Variants in SSB observed in about 807,000 individuals in gnomAD.
SSB encodes the protein small RNA binding exonuclease protection factor La.
In SSB, 17 loss-of-function variants were observed where a neutral mutation model predicts 52.9. The ratio of observed to expected loss-of-function variants is 0.32; its 90% confidence interval spans 0.22 to 0.48. SSB has a LOEUF of 0.48. Ranked by LOEUF, SSB falls within the 20% of genes least tolerant of loss-of-function variation. The pLI is 0.99. For missense variants in SSB, 314 were observed against 463.6 expected, an observed-to-expected ratio of 0.68 and a Z score of 2.96; for synonymous variants, 111 against 152.1, an observed-to-expected ratio of 0.73 and a Z score of 1.99.
At chr2:169,810,769 G>C in intron 9 of SSB, 89 bp from the exon 10 acceptor site, 1 of 1,280,890 alleles carries the variant, frequency 7.8e-7, no homozygotes, top group Non-Finnish European at 1.1e-6. Flanking sequence ...TGGAAGGTTT[G>C]CAGGGTAGAA....
rs770202370 is a variant in SSB at position 169,801,078 on chromosome 2, CAGAA to C, written c.66+57_66+60del. ...AAAACAAGTTCCTTGAAAGAAAATA[CAGAA>C]AGAACATTTAATTCTAGTACATGGA... On this transcript the variant is annotated intron_variant, in intron 2 of 11. Coordinates refer to ENST00000260956, the MANE Select transcript of SSB (RefSeq NM_003142.5). The C allele has an allele frequency of 6.4e-6, 9 of 1,415,462 alleles. No homozygotes were observed. In the African/African-American group the frequency reaches 1.2e-4, roughly 19 times the overall value. 87.7% of individuals were successfully genotyped at this position (1,415,462 alleles called of 1,614,324 possible).
chr2:169,804,562 T>C (rs1043005272), intron 2 of SSB, among the ~76,000 whole-genome samples: 1 of 151,420 alleles, frequency 6.6e-6, no homozygotes, highest in African/African-American at 2.4e-5. Flanking sequence ...CACCCCCTTT[T>C]TTGAGATGGA....
intron 6 of SSB, among the ~76,000 whole-genome samples, chr2:169,807,417 T>G (rs1294224763): frequency 1.3e-5 from 2 of 152,078 alleles, no homozygotes; most frequent in African/African-American, 2.4e-5. Flanking sequence ...GCCTCCTGAG[T>G]AGCTGGGACT....
intron 6 of SSB, among the ~76,000 whole-genome samples, chr2:169,808,237 AC>A (rs375233601): frequency 1.6e-4 from 24 of 152,322 alleles, no homozygotes; most frequent in African/African-American, 5.3e-4. Context: ...ATACTAAAAA[AC>A]ATTCAAGGTA....
chr2:169,807,701 A>G (rs946345067), intron 6 of SSB, among the ~76,000 whole-genome samples: 1 of 141,318 alleles, frequency 7.1e-6, no homozygotes, highest in African/African-American at 2.6e-5. Context: ...AAATATATCA[A>G]TGCAGTTTTC....
intron 10 of SSB, 25 bp from the exon 11 acceptor site, chr2:169,811,158 A>C (rs1474340790): frequency 6.3e-7 from 1 of 1,598,704 alleles, no homozygotes. Flanking sequence ...AGTTCTTTAC[A>C]GAGTGCTCAA....
intron 6 of SSB, among the ~76,000 whole-genome samples, 170 bp downstream of exon 6, chr2:169,807,241 A>G (rs1031735449): frequency 1.3e-5 from 2 of 152,170 alleles, no homozygotes; most frequent in Non-Finnish European, 2.9e-5. Flanking sequence ...TTTTGAGACT[A>G]TAAGAAAAGT....
chr2:169,807,036 G>A lies in SSB; in HGVS notation c.519G>A (p.Gln173=), dbSNP rs144350886. The A allele has an allele frequency of 3.2e-5, 51 of 1,613,958 alleles. No individual in the cohort carries two copies. In the African/African-American group the frequency reaches 6.4e-4, roughly 20 times the overall value. ...SAKKFVETPG[Q]KYKETDLLIL... ...AGAAATTTGTAGAGACCCCTGGCCAGAAGTACAAAGAAACAGACCTGCTAA... is the reference window on the plus strand; with the variant it reads ...AGAAATTTGTAGAGACCCCTGGCCAAAAGTACAAAGAAACAGACCTGCTAA... The change falls in exon 6 of 12, where the codon CAG becomes CAA. Residue 173 remains glutamine, a synonymous_variant. Coordinates refer to ENST00000260956, the MANE Select transcript of SSB (RefSeq NM_003142.5).
chr2:169,808,666 C>A, intron 7 of SSB, 113 bp downstream of exon 7: 1 of 1,096,244 alleles, frequency 9.1e-7, no homozygotes, highest in Non-Finnish European at 1.3e-6. Flanking sequence ...GCTAGTGAAA[C>A]ACTGAGATCT....
At chr2:169,806,057 A>G in intron 4 of SSB, 1 of 568,708 alleles carries the variant, frequency 1.8e-6, no homozygotes, top group Non-Finnish European at 3.3e-6. Context: ...TGCAGTCTTG[A>G]CCTCCTGGGC....
At chr2:169,800,580 A>G (rs1002100014) in intron 1 of SSB, among the ~76,000 whole-genome samples, 17 of 151,222 alleles carry the variant, frequency 1.1e-4, no homozygotes, top group African/African-American at 3.9e-4. Flanking sequence ...AAACAAATGC[A>G]CAGAGAGCCA....
At chr2:169,802,628 G>C (rs1178536588) in intron 2 of SSB, among the ~76,000 whole-genome samples, 1 of 152,108 alleles carries the variant, frequency 6.6e-6, no homozygotes, top group African/African-American at 2.4e-5. Flanking sequence ...GGTTATCAAG[G>C]TTAAAAGCTT....
At chr2:169,799,197 G>T (rs141283132) in intron 1 of SSB, 1 of 151,608 alleles carries the variant, frequency 6.6e-6, no homozygotes, top group African/African-American at 2.4e-5. Flanking sequence ...GGATCCTGGG[G>T]TTCCCCGCAC....
chr2:169,800,269 A>C (rs2556349), intron 1 of SSB, among the ~76,000 whole-genome samples: 2 of 152,100 alleles, frequency 1.3e-5, no homozygotes, highest in Non-Finnish European at 2.9e-5. Context: ...GGTGGCTCAC[A>C]CCTGTAATCC....
chr2:169,805,865 A>T (rs772735869), intron 4 of SSB, 26 bp downstream of exon 4: 2 of 1,588,828 alleles, frequency 1.3e-6, no homozygotes, highest in Admixed American at 3.5e-5. Context: ...ATGCATTTAA[A>T]TATCTTACAT....
In SSB at chr2:169,805,708, T is replaced by G; in HGVS notation, c.214T>G (p.Leu72Val). The change falls in exon 4 of 12, where the codon TTG (leucine) becomes GTG (valine). Residue 72 changes from leucine (L) to valine (V), a missense_variant. By Grantham distance (32) the Leu-to-Val change is conservative. Transcript: ENST00000260956. ...AGACTTTAATGTAATTGTGGAAGCATTGAGCAAATCCAAGGCAGAACTCAT... is the reference window on the plus strand; with the variant it reads ...AGACTTTAATGTAATTGTGGAAGCAGTGAGCAAATCCAAGGCAGAACTCAT... The part of the protein sequence containing the change: ...TTDFNVIVEA[L>V]SKSKAELMEI... The G allele has an allele frequency of 6.2e-7, 1 of 1,614,066 alleles. No individual in the cohort carries two copies.
At position 169,801,643 on chromosome 2, in the gene SSB, C is replaced by T. The variant is rs1161416955; in HGVS notation, c.66+617C>T. ...CTGCCTCCTGGGTTCAAATGATTCT[C>T]CTGCCTCAGCCTCCCAAATAGCTGG... On this transcript the variant is annotated intron_variant, in intron 2 of 11. Transcript: ENST00000260956. Among the ~76,000 whole-genome samples, 3 of 151,432 alleles carry T rather than the reference C, an allele frequency of 2.0e-5. 1 individual carries two copies. The highest frequency in any genetic ancestry group is 3.9e-4 in the East Asian group (2 of 5,142).
Position 169,811,239 on chromosome 2 carries a change from A to C in SSB, c.1054A>C (p.Lys352Gln), listed in dbSNP as rs758993474. Residue 352 changes from lysine (K) to glutamine (Q), a missense_variant, in exon 11 of 12, where the codon AAA (lysine) becomes CAA (glutamine). Coordinates refer to ENST00000260956, the MANE Select transcript of SSB (RefSeq NM_003142.5). ...GNKAAQPGSG[K>Q]GKVQFQGKKT... ...TAAAGCTGCCCAGCCTGGGTCTGGT[A>C]AAGGAAAAGTACAGTTTCAGGGCAA... is the stretch of plus-strand genomic sequence containing the variant. 15 of 1,612,140 alleles carry C rather than the reference A, an allele frequency of 9.3e-6. No homozygotes were observed. Among genetic ancestry groups the C allele is most frequent in the Non-Finnish European group, 1.0e-5 (12 of 1,179,662 alleles).
intron 1 of SSB, among the ~76,000 whole-genome samples, 151 bp downstream of exon 1, chr2:169,799,127 C>T (rs1689646372): frequency 1.3e-5 from 2 of 152,018 alleles, no homozygotes; most frequent in Non-Finnish European, 2.9e-5. Flanking sequence ...GGGCCGCAGC[C>T]GGAGGCGGCG....
Sources: gnomAD v4.1 joint callset for allele counts (sites outside exome capture counted in the v4.1 genomes callset) on GRCh38, gnomAD v4.1.1 for gene constraint, MANE v1.5 for transcripts, NCBI Gene and HGNC (gene_info 2026-07-23, HGNC 2026-07-21) for gene names.